The following SCG5 variants were observed in gnomAD, a reference collection of about 807,000 sequenced individuals.
SCG5 encodes neuroendocrine protein 7B2.
SCG5 carries 18 observed loss-of-function variants against 25.7 expected under a neutral mutation model. That is an observed-to-expected ratio of 0.70 (90% confidence interval 0.48 to 1.04). SCG5 has a LOEUF of 1.04. SCG5 is among the 50% of genes least tolerant of loss of function. The pLI is 0.00. For missense variants in SCG5, 206 were observed against 259.8 expected (o/e 0.79, Z 1.42); for synonymous variants, 101 against 91.7 (o/e 1.10, Z -0.58).
At chr15:32,644,324 G>T (rs2053911074) in intron 2 of SCG5, among the ~76,000 whole-genome samples, 6 of 152,122 alleles carry the variant, frequency 3.9e-5, no homozygotes, top group Admixed American at 3.9e-4. Flanking sequence ...TGATTCCTAG[G>T]AATGACTCCA....
chr15:32,664,450 G>A (rs2054287349), intron 2 of SCG5, among the ~76,000 whole-genome samples: 1 of 151,482 alleles, frequency 6.6e-6, no homozygotes, highest in South Asian at 2.1e-4. Flanking sequence ...GGATGACTAG[G>A]AGTTAAAATA....
chr15:32,662,857 G>A (rs545572145), intron 2 of SCG5, among the ~76,000 whole-genome samples: 1 of 151,484 alleles, frequency 6.6e-6, no homozygotes, highest in East Asian at 2.0e-4. Flanking sequence ...GCAGGAGAGC[G>A]GAGAGCTGGG....
intron 2 of SCG5, among the ~76,000 whole-genome samples, chr15:32,659,342 A>T (rs138350511): frequency 6.6e-6 from 1 of 152,184 alleles, no homozygotes; most frequent in Non-Finnish European, 1.5e-5. Flanking sequence ...ATATTTGATT[A>T]TAAGCTCCCA....
At chr15:32,684,924 G>T (rs1243443069) in intron 4 of SCG5, among the ~76,000 whole-genome samples, 1 of 152,108 alleles carries the variant, frequency 6.6e-6, no homozygotes, top group African/African-American at 2.4e-5. Context: ...CTTCTACTCT[G>T]GTCTGCTTCA....
chr15:32,661,656 A>G (rs182007821), intron 2 of SCG5, among the ~76,000 whole-genome samples: 2 of 152,198 alleles, frequency 1.3e-5, no homozygotes, highest in East Asian at 3.9e-4. Context: ...ATCTCCAGAC[A>G]TTGTCAAATG....
intron 2 of SCG5, among the ~76,000 whole-genome samples, chr15:32,645,470 G>A (rs1223328787): frequency 1.3e-5 from 2 of 152,196 alleles, no homozygotes; most frequent in Non-Finnish European, 2.9e-5. Flanking sequence ...GGGAAGTGGG[G>A]ACACACATCA....
intron 3 of SCG5, among the ~76,000 whole-genome samples, chr15:32,683,624 C>T (rs1011067839): frequency 6.6e-6 from 1 of 152,316 alleles, no homozygotes; most frequent in South Asian, 2.1e-4. Context: ...CTCTATTCCT[C>T]ACAGCAATCC....
chr15:32,652,596 G>C (rs528506524), intron 2 of SCG5, among the ~76,000 whole-genome samples: 12 of 152,246 alleles, frequency 7.9e-5, no homozygotes, highest in African/African-American at 2.9e-4. Flanking sequence ...TCCTCCATTG[G>C]GGAAAAAGGA....
At chr15:32,672,204 C>G (rs1026654016) in intron 2 of SCG5, among the ~76,000 whole-genome samples, 1 of 152,268 alleles carries the variant, frequency 6.6e-6, no homozygotes, top group Non-Finnish European at 1.5e-5. Flanking sequence ...TGTGCCCGCT[C>G]CCTGCCAGAC....
intron 2 of SCG5, among the ~76,000 whole-genome samples, chr15:32,676,534 C>T (rs112784313): frequency 2.0e-5 from 3 of 152,312 alleles, no homozygotes; most frequent in African/African-American, 4.8e-5. Flanking sequence ...ATAGTGCCAA[C>T]ATTATATAAA....
intron 2 of SCG5, among the ~76,000 whole-genome samples, chr15:32,657,661 G>C (rs1190000482): frequency 6.6e-6 from 1 of 152,184 alleles, no homozygotes; most frequent in Non-Finnish European, 1.5e-5. Context: ...TCCGTGGTTT[G>C]AGAACACACT....
At chr15:32,661,889 C>T (rs2054226048) in intron 2 of SCG5, among the ~76,000 whole-genome samples, 1 of 151,792 alleles carries the variant, frequency 6.6e-6, no homozygotes, top group African/African-American at 2.4e-5. Context: ...CTAGAGATAC[C>T]CACTTTCAGC....
chr15:32,648,803 A>G (rs1595789034), intron 2 of SCG5, among the ~76,000 whole-genome samples: 2 of 141,522 alleles, frequency 1.4e-5, no homozygotes, highest in South Asian at 2.2e-4. Flanking sequence ...ACAGAGTCTC[A>G]CTCTGTCCCC....
intron 2 of SCG5, among the ~76,000 whole-genome samples, chr15:32,655,438 G>A (rs11638089): frequency 0.19 from 28,679 of 151,920 alleles, 3,061 homozygotes; most frequent in South Asian, 0.32. Context: ...CCTTAAGTTC[G>A]GCACCACCAT....
intron 4 of SCG5, among the ~76,000 whole-genome samples, chr15:32,687,161 C>T (rs1375591718): frequency 6.6e-6 from 1 of 152,206 alleles, no homozygotes; most frequent in Non-Finnish European, 1.5e-5. Flanking sequence ...CATCTCTTTT[C>T]AGCTCTCTTC....
At chr15:32,683,756 G>A (rs1022955181) in intron 3 of SCG5, among the ~76,000 whole-genome samples, 6 of 152,220 alleles carry the variant, frequency 3.9e-5, no homozygotes, top group African/African-American at 1.4e-4. Flanking sequence ...TGATCCTTGA[G>A]CTCTGCTCTT....
intron 3 of SCG5, among the ~76,000 whole-genome samples, chr15:32,682,109 C>G (rs1001528843): frequency 6.6e-6 from 1 of 152,120 alleles, no homozygotes; most frequent in African/African-American, 2.4e-5. Context: ...GGATGTGGTA[C>G]AGTGCAGTGG....
chr15:32,673,617 A>G (rs1419805072), intron 2 of SCG5, among the ~76,000 whole-genome samples: 1 of 150,342 alleles, frequency 6.7e-6, no homozygotes, highest in Admixed American at 6.7e-5. Context: ...GCGCACTCTC[A>G]ATTTATTGTA....
At position 32,696,700 on chromosome 15, in the gene SCG5, A is replaced by C; in HGVS notation, c.*91A>C. 2 of 760,204 alleles carry C rather than the reference A, an allele frequency of 2.6e-6. No individual in the cohort carries two copies. The highest frequency in any genetic ancestry group is 4.6e-6 in the Non-Finnish European group (2 of 431,350). 47.1% of individuals were successfully genotyped at this position (760,204 alleles called of 1,614,324 possible). A position where few individuals can be genotyped will look rare whatever the true frequency, so the allele number is the denominator to read the frequency against. ...AAATGGAGTCCCTGTGAATGACAGCATGTTTCTTACATAGATAATTATGGA... is the reference window on the plus strand; with the variant it reads ...AAATGGAGTCCCTGTGAATGACAGCCTGTTTCTTACATAGATAATTATGGA... On this transcript the variant is annotated 3_prime_UTR_variant, in exon 6 of 6. Transcript: ENST00000300175.
Sources: gnomAD v4.1 joint callset for allele counts (sites outside exome capture counted in the v4.1 genomes callset) on GRCh38, gnomAD v4.1.1 for gene constraint, MANE v1.5 for transcripts, NCBI Gene and HGNC (gene_info 2026-07-23, HGNC 2026-07-21) for gene names.